TMEFF2: variants seen among roughly 807,000 people sequenced by gnomAD.
TMEFF2 encodes the protein transmembrane protein with EGF like and two follistatin like domains 2.
In TMEFF2, 28 loss-of-function variants were observed where a neutral mutation model predicts 53.8. That is an observed-to-expected ratio of 0.52 (90% CI 0.39 to 0.71). TMEFF2 has a LOEUF of 0.71. TMEFF2 is among the 30% of genes least tolerant of loss of function. The probability of loss-of-function intolerance (pLI) is 0.00; values close to 1 mark genes in which losing one functional copy is unlikely to be tolerated. For missense variants in TMEFF2, 353 were observed against 455.2 expected, an observed-to-expected ratio of 0.78 and a Z score of 2.04; for synonymous variants, 162 against 166.3, an observed-to-expected ratio of 0.97 and a Z score of 0.20.
chr2:192,157,793 C>T (rs114539504), intron 4 of TMEFF2, among the ~76,000 whole-genome samples: 2,722 of 152,066 alleles, frequency 0.018, 76 homozygotes, highest in African/African-American at 0.063. Flanking sequence ...AAAAAATCTT[C>T]ATTGTCTAGC....
chr2:192,132,884 G>A (rs1022105029), intron 4 of TMEFF2, among the ~76,000 whole-genome samples: 1 of 152,176 alleles, frequency 6.6e-6, no homozygotes, highest in Non-Finnish European at 1.5e-5. Flanking sequence ...CTTAGTGGCT[G>A]AAGACTGACG....
chr2:192,129,553 C>T (rs1019381684), intron 4 of TMEFF2, among the ~76,000 whole-genome samples: 1 of 152,140 alleles, frequency 6.6e-6, no homozygotes, highest in Non-Finnish European at 1.5e-5. Flanking sequence ...CACATGCATT[C>T]TTACATTTCA....
chr2:191,958,104 A>G (rs1302599622), intron 7 of TMEFF2, among the ~76,000 whole-genome samples: 1 of 152,152 alleles, frequency 6.6e-6, no homozygotes. Context: ...TCATGAACCC[A>G]TGGAGGAGGC....
intron 4 of TMEFF2, among the ~76,000 whole-genome samples, chr2:192,150,127 T>C (rs567410087): frequency 1.3e-5 from 2 of 152,070 alleles, no homozygotes; most frequent in Non-Finnish European, 2.9e-5. Flanking sequence ...AAAATATAAC[T>C]AACAAGTGAA....
chr2:192,051,602 C>A (rs1365528914), intron 5 of TMEFF2, among the ~76,000 whole-genome samples: 1 of 152,196 alleles, frequency 6.6e-6, no homozygotes, highest in Non-Finnish European at 1.5e-5. Flanking sequence ...GTACTAAAGT[C>A]AGCAAGACCT....
At chr2:192,081,884 G>T (rs1001734662) in intron 4 of TMEFF2, among the ~76,000 whole-genome samples, 1 of 146,684 alleles carries the variant, frequency 6.8e-6, no homozygotes, top group Admixed American at 6.9e-5. Context: ...TCCTGCAAGC[G>T]CCACCTCCCG....
chr2:191,952,681 C>T (rs1278343910), intron 9 of TMEFF2, among the ~76,000 whole-genome samples: 1 of 152,152 alleles, frequency 6.6e-6, no homozygotes, highest in Admixed American at 6.5e-5. Flanking sequence ...TTGTCTTTTT[C>T]AAGAGCAAAT....
intron 4 of TMEFF2, among the ~76,000 whole-genome samples, chr2:192,157,212 T>C (rs1463391857): frequency 6.6e-6 from 1 of 152,068 alleles, no homozygotes; most frequent in African/African-American, 2.4e-5. Context: ...AGATAAAGTC[T>C]GACTGAGGTA....
chr2:192,173,483 T>C (rs1268938404), intron 4 of TMEFF2, among the ~76,000 whole-genome samples: 2 of 151,780 alleles, frequency 1.3e-5, no homozygotes, highest in African/African-American at 4.8e-5. Context: ...AAGAAAAATT[T>C]TGCAATGCTT....
intron 9 of TMEFF2, 155 bp from the exon 10 acceptor site, chr2:191,950,562 GTTA>G (rs2105781189): frequency 8.5e-7 from 1 of 1,183,048 alleles, no homozygotes; most frequent in Non-Finnish European, 1.2e-6. Context: ...TTTTGGAAAA[GTTA>G]TTATTTTGCT....
At chr2:192,093,913 C>A (rs1688847401) in intron 4 of TMEFF2, among the ~76,000 whole-genome samples, 1 of 151,948 alleles carries the variant, frequency 6.6e-6, no homozygotes, top group African/African-American at 2.4e-5. Flanking sequence ...GGAAAAGAAA[C>A]TTGCGTTTTC....
chr2:192,140,267 G>T (rs2105988877), intron 4 of TMEFF2, among the ~76,000 whole-genome samples: 1 of 152,304 alleles, frequency 6.6e-6, no homozygotes, highest in South Asian at 2.1e-4. Context: ...GAACATGGGA[G>T]TTTTAATCGA....
chr2:192,019,063 CTATT>C (rs1484643473), intron 5 of TMEFF2, among the ~76,000 whole-genome samples: 1 of 151,916 alleles, frequency 6.6e-6, no homozygotes, highest in Non-Finnish European at 1.5e-5. Context: ...TTGTACATAT[CTATT>C]ATAAATAAAA....
At chr2:191,990,415 T>TTGTGTGTGTGTGTG (rs1320805824) in intron 7 of TMEFF2, among the ~76,000 whole-genome samples, 1 of 12,900 alleles carries the variant, frequency 7.8e-5, no homozygotes, top group African/African-American at 2.1e-4. Flanking sequence ...GTGCTCAGAA[T>TTGTGTGTGTGTGTG]AGTGTGTGTG....
intron 7 of TMEFF2, among the ~76,000 whole-genome samples, chr2:191,978,774 C>A (rs1685790493): frequency 6.6e-6 from 1 of 152,112 alleles, no homozygotes; most frequent in Non-Finnish European, 1.5e-5. Context: ...AACATAACTC[C>A]CACATGGACT....
intron 4 of TMEFF2, among the ~76,000 whole-genome samples, chr2:192,164,040 C>A (rs573268649): frequency 6.6e-6 from 1 of 152,270 alleles, no homozygotes; most frequent in East Asian, 1.9e-4. Flanking sequence ...CTTTTTATTG[C>A]TTTCTTTGCA....
intron 4 of TMEFF2, among the ~76,000 whole-genome samples, chr2:192,105,341 G>A (rs1689121793): frequency 6.6e-6 from 1 of 151,874 alleles, no homozygotes; most frequent in African/African-American, 2.4e-5. Context: ...TATCTATCAA[G>A]TAATGAGCCT....
intron 5 of TMEFF2, among the ~76,000 whole-genome samples, chr2:192,048,212 CA>C (rs1687671060): frequency 6.6e-6 from 1 of 151,708 alleles, no homozygotes; most frequent in Non-Finnish European, 1.5e-5. Flanking sequence ...GAGCTTGGGA[CA>C]CAGAAATTGC....
chr2:192,139,362 A>G (rs1690084407), intron 4 of TMEFF2, among the ~76,000 whole-genome samples: 1 of 152,198 alleles, frequency 6.6e-6, no homozygotes, highest in Non-Finnish European at 1.5e-5. Flanking sequence ...CTCCACTGGG[A>G]AAATTATTTT....
Sources: allele counts gnomAD v4.1 joint callset (sites outside exome capture counted in the v4.1 genomes callset), GRCh38; gene constraint gnomAD v4.1.1; transcripts MANE v1.5; gene names NCBI Gene and HGNC (gene_info 2026-07-23, HGNC 2026-07-21).